The following TF variants were observed in gnomAD, a reference collection of about 807,000 sequenced individuals.
The protein encoded by TF is transferrin.
TF carries 55 observed loss-of-function variants against 82.4 expected under a neutral mutation model. The observed-to-expected ratio is 0.67, with a 90% CI of 0.54 to 0.84. The LOEUF (loss-of-function observed/expected upper bound fraction) is 0.84. TF is among the 40% of genes least tolerant of loss of function. The pLI, the probability that TF is intolerant of heterozygous loss-of-function variation, is 0.00. For missense variants in TF, 737 were observed against 868.4 expected (o/e 0.85, Z 1.90); for synonymous variants, 332 against 332.6 (o/e 1.00, Z 0.02).
At chr3:133,717,199 AG>A in the TF span, among the ~76,000 whole-genome samples, 3 of 152,200 alleles carry the variant, frequency 2.0e-5, no homozygotes, top group East Asian at 3.9e-4. Flanking sequence ...GTTGGTTGTA[AG>A]TGAGAAAACC....
Position 133,787,734 on chromosome 3 carries a change from A to G in TF, c.*9114A>G, listed in dbSNP as rs770806552. ...AATTTCAGTTTATCCATTGCCTTATATGTTAAATGCATTGCAAGTAACTTT... is the reference window on the plus strand; with the variant it reads ...AATTTCAGTTTATCCATTGCCTTATGTGTTAAATGCATTGCAAGTAACTTT... On this transcript the variant is annotated 3_prime_UTR_variant, in exon 17 of 17. Transcript: ENST00000402696. 3.9e-5 allele frequency: 6 copies of G among 152,196 alleles called. No homozygotes were observed. The highest frequency in any genetic ancestry group is 8.8e-5 in the Non-Finnish European group (6 of 68,030). The allele number at this position is 152,196 out of a possible 1,614,324, so 9.4% of individuals were successfully genotyped here. A position where few individuals can be genotyped will look rare whatever the true frequency, so the allele number is the denominator to read the frequency against.
In TF at chr3:133,784,472, AATAAT is replaced by A. The variant is rs1186186398; in HGVS notation, c.*5854_*5858del. 1.8e-4 allele frequency: 15 copies of A among 83,014 alleles called. No homozygotes were observed. Among genetic ancestry groups the A allele is most frequent in the African/African-American group, 8.0e-4 (15 of 18,780 alleles). The allele number at this position is 83,014 out of a possible 1,614,324, so 5.1% of individuals were successfully genotyped here. A position where few individuals can be genotyped will look rare whatever the true frequency, so the allele number is the denominator to read the frequency against. ...CTTGTAAATTCCCATTTGTTAAAAA[AATAAT>A]AATAATAATAATAATAATAATAATA... is the stretch of plus-strand genomic sequence containing the variant. On this transcript the variant is annotated 3_prime_UTR_variant, in exon 17 of 17. Transcript: ENST00000402696.
intron 14 of TF, chr3:133,772,703 G>A (rs992626601): frequency 3.4e-5 from 4 of 118,108 alleles, no homozygotes; most frequent in Non-Finnish European, 7.0e-5. Context: ...TCTTCAAAAC[G>A]TGTCTTTTTT....
rs763666352 is a variant in TF at position 133,778,606 on chromosome 3, T to A, written c.2083T>A (p.Phe695Ile). Residue 695 changes from phenylalanine (F) to isoleucine (I), a missense_variant, in exon 17 of 17, where the codon TTC becomes ATC. Phe to Ile is a conservative substitution (Grantham distance 21). Transcript: ENST00000402696. Reference sequence around the variant, plus strand: ...CACAGCACTCCTGGAAGCCTGCACTTTCCGTAGACCTTAAAATCTCAGAGG... The same window carrying A: ...CACAGCACTCCTGGAAGCCTGCACTATCCGTAGACCTTAAAATCTCAGAGG... The part of the protein sequence containing the change: ...STSSLLEACT[F>I]RRP 2 of 1,613,434 alleles carry A rather than the reference T, an allele frequency of 1.2e-6. No homozygotes were observed. The highest frequency in any genetic ancestry group is 2.2e-5 in the South Asian group (2 of 91,062).
intron 16 of TF, chr3:133,777,571 C>A: frequency 8.7e-6 from 2 of 230,306 alleles, no homozygotes; most frequent in Non-Finnish European, 1.7e-5. Flanking sequence ...AATATGGTAG[C>A]CACCAGCAAG....
the TF span, among the ~76,000 whole-genome samples, chr3:133,726,825 C>T: frequency 9.9e-5 from 15 of 152,024 alleles, no homozygotes; most frequent in Non-Finnish European, 2.9e-5. Context: ...ACACACTGCT[C>T]TGAATGCGTC....
At chr3:133,663,485 GA>G in the TF span, among the ~76,000 whole-genome samples, 1 of 150,044 alleles carries the variant, frequency 6.7e-6, no homozygotes, top group Non-Finnish European at 1.5e-5. Context: ...CTAGAGGTGG[GA>G]AAAAAAAGAA....
At chr3:133,774,217 CATAAA>C (rs1266301925) in intron 14 of TF, 2 of 152,068 alleles carry the variant, frequency 1.3e-5, no homozygotes, top group African/African-American at 2.4e-5. Context: ...AATAAAATAA[CATAAA>C]ATAAAATAAA....
At position 133,764,202 on chromosome 3, in the gene TF, G is replaced by A. The variant is rs1283851625; in HGVS notation, c.1224G>A (p.Met408Ile). 3 of 1,613,952 alleles carry A rather than the reference G, an allele frequency of 1.9e-6. No homozygotes were observed. Among genetic ancestry groups the A allele is most frequent in the Non-Finnish European group, 1.7e-6 (2 of 1,179,858 alleles). Residue 408 changes from methionine to isoleucine, a missense_variant, in exon 10 of 17, where the codon ATG (methionine) becomes ATA (isoleucine). By Grantham distance (10) the Met-to-Ile change is conservative. Coordinates refer to ENST00000402696, the MANE Select transcript of TF (RefSeq NM_001063.4). ...AKIMNGEADA[M>I]SLDGGFVYIA... ...TGCAGAATGGAGAAGCTGATGCCAT[G>A]AGCTTGGATGGAGGGTTTGTCTACA...
At chr3:133,770,876 A>T (rs144352284) in intron 14 of TF, 1 of 459,998 alleles carries the variant, frequency 2.2e-6, no homozygotes, top group Non-Finnish European at 3.9e-6. Flanking sequence ...TCTCTTGCAT[A>T]CCCACAGTAT....
Position 133,792,217 on chromosome 3 carries a change from T to C in TF, c.*13597T>C, listed in dbSNP as rs865940367. On this transcript the variant is annotated 3_prime_UTR_variant, in exon 17 of 17. Transcript: ENST00000402696. ...AAGGTTATAAAGAAAGGAGATTTTA[T>C]ATAAGAAAGGATCTTATATCGTAAA... The C allele has an allele frequency of 5.9e-5, 9 of 152,220 alleles. No individual in the cohort carries two copies. Among genetic ancestry groups the C allele is most frequent in the African/African-American group, 2.2e-4 (9 of 41,456 alleles). The allele number at this position is 152,220 out of a possible 1,614,324, so 9.4% of individuals were successfully genotyped here.
the TF span, among the ~76,000 whole-genome samples, chr3:133,740,136 T>C: frequency 2.0e-5 from 3 of 152,182 alleles, no homozygotes; most frequent in Non-Finnish European, 4.4e-5. Context: ...ATATACACGA[T>C]GGAATACTAT....
intron 6 of TF, 119 bp from the exon 7 acceptor site, chr3:133,756,712 C>G: frequency 7.8e-7 from 1 of 1,289,482 alleles, no homozygotes; most frequent in East Asian, 2.3e-5. Flanking sequence ...GTTCTCTGGC[C>G]TTCAGTGCTC....
the TF span, among the ~76,000 whole-genome samples, chr3:133,724,276 T>A: frequency 5.3e-5 from 8 of 152,184 alleles, no homozygotes; most frequent in Non-Finnish European, 1.0e-4. Flanking sequence ...CCACCAACAG[T>A]GTAAAAGTGT....
At position 133,768,316 on chromosome 3, in the gene TF, G is replaced by C; in HGVS notation, c.1622+152G>C. On this transcript the variant is annotated intron_variant, in intron 13 of 16. Transcript: ENST00000402696. Reference sequence around the variant, plus strand: ...CACAACCAGATATAGAGCCACATGGGGAGGGGCAGCCAGACTCCCCCAGGA... The same window carrying C: ...CACAACCAGATATAGAGCCACATGGCGAGGGGCAGCCAGACTCCCCCAGGA... 3 of 1,087,698 alleles carry C rather than the reference G, an allele frequency of 2.8e-6. No individual in the cohort carries two copies. The South Asian group carries it at 4.6e-5, about 17-fold the overall frequency. The allele number at this position is 1,087,698 out of a possible 1,614,324, so 67.4% of individuals were successfully genotyped here.
At chr3:133,689,359 A>G in the TF span, among the ~76,000 whole-genome samples, 2 of 152,092 alleles carry the variant, frequency 1.3e-5, no homozygotes, top group South Asian at 4.1e-4. Flanking sequence ...AAATAAATAA[A>G]TAAAATATAG....
the TF span, among the ~76,000 whole-genome samples, chr3:133,722,724 T>C: frequency 1.3e-5 from 2 of 152,212 alleles, no homozygotes; most frequent in African/African-American, 4.8e-5. Flanking sequence ...TCTTTATCTA[T>C]GATGTGTTCC....
At chr3:133,672,922 T>G in the TF span, among the ~76,000 whole-genome samples, 2 of 152,206 alleles carry the variant, frequency 1.3e-5, no homozygotes, top group Non-Finnish European at 2.9e-5. Context: ...CAAAATGCAA[T>G]ACCCATTCAT....
At chr3:133,727,069 T>C in the TF span, among the ~76,000 whole-genome samples, 7 of 152,234 alleles carry the variant, frequency 4.6e-5, no homozygotes, top group African/African-American at 1.7e-4. Context: ...AGAACTTTAC[T>C]TGCAACTATG....
Sources: allele counts gnomAD v4.1 joint callset (sites outside exome capture counted in the v4.1 genomes callset), GRCh38; gene constraint gnomAD v4.1.1; transcripts MANE v1.5; gene names NCBI Gene and HGNC (gene_info 2026-07-23, HGNC 2026-07-21).